The following C9orf153 variants were observed in gnomAD, a reference collection of about 807,000 sequenced individuals.
C9orf153 encodes chromosome 9 open reading frame 153, also known as uncharacterized protein C9orf153.
In C9orf153, 10 loss-of-function variants were observed where a neutral mutation model predicts 9.0. The observed-to-expected ratio is 1.11, with a 90% CI of 0.69 to 1.89. The LOEUF (loss-of-function observed/expected upper bound fraction) is 1.89. Among genes scored for constraint, C9orf153 ranks in the 40% most tolerant of loss-of-function variants. C9orf153 has a pLI of 0.00. For synonymous variants in C9orf153, 35 were observed against 37.3 expected (o/e 0.94, Z 0.23); for missense variants, 108 against 111.0 (o/e 0.97, Z 0.12).
At chr9:86,233,509 C>T (rs1824514455) in intron 1 of C9orf153, among the ~76,000 whole-genome samples, 1 of 152,000 alleles carries the variant, frequency 6.6e-6, no homozygotes. Context: ...CTCCGTCTCC[C>T]GGGTTCAAGC....
At chr9:86,256,332 C>T (rs926055582) in intron 1 of C9orf153, among the ~76,000 whole-genome samples, 3 of 152,314 alleles carry the variant, frequency 2.0e-5, no homozygotes, top group South Asian at 2.1e-4. Flanking sequence ...TGAATACCTT[C>T]GAGCCACTGA....
intron 1 of C9orf153, among the ~76,000 whole-genome samples, chr9:86,237,866 G>A (rs1824632726): frequency 6.6e-6 from 1 of 152,102 alleles, no homozygotes; most frequent in African/African-American, 2.4e-5. Context: ...ATCACCTGAG[G>A]TCAGGAGTTC....
intron 1 of C9orf153, among the ~76,000 whole-genome samples, chr9:86,254,539 ATC>A (rs1448443965): frequency 3.9e-5 from 6 of 152,170 alleles, no homozygotes; most frequent in Non-Finnish European, 5.9e-5. Flanking sequence ...AACCAGAAAA[ATC>A]TGTCAGATTG....
chr9:86,237,978 G>C (rs1351733627), intron 1 of C9orf153, among the ~76,000 whole-genome samples: 1 of 152,120 alleles, frequency 6.6e-6, no homozygotes, highest in Non-Finnish European at 1.5e-5. Flanking sequence ...CCAGCTACTC[G>C]GGAGGCTGAG....
intron 2 of C9orf153, among the ~76,000 whole-genome samples, chr9:86,228,475 C>T (rs780105648): frequency 6.6e-6 from 1 of 152,010 alleles, no homozygotes; most frequent in Admixed American, 6.6e-5. Flanking sequence ...TCCTGTTGTC[C>T]AAAGAGCCCA....
At position 86,220,922 on chromosome 9, in the gene C9orf153, C is replaced by A. The variant is rs1438241949; in HGVS notation, c.*766G>T. 6.6e-6 allele frequency: 1 copy of A among 151,990 alleles called. No individual in the cohort carries two copies. The highest frequency in any genetic ancestry group is 1.5e-5 in the Non-Finnish European group (1 of 68,008). 9.4% of individuals were successfully genotyped at this position (151,990 alleles called of 1,614,324 possible). On this transcript the variant is annotated 3_prime_UTR_variant, in exon 4 of 4. Coordinates refer to ENST00000339137, the MANE Select transcript of C9orf153 (RefSeq NM_001276366.4). ...CAATGCTGTCTTCCAACTTGTTAGC[C>A]CTCTCTCTTCAGATATATCCAGGCT...
At chr9:86,227,050 G>A (rs1824353402) in intron 3 of C9orf153, among the ~76,000 whole-genome samples, 1 of 152,206 alleles carries the variant, frequency 6.6e-6, no homozygotes, top group Admixed American at 6.5e-5. Context: ...ACAGGCATGA[G>A]CCACCATGCC....
chr9:86,253,118 T>C (rs1461222537), intron 1 of C9orf153, among the ~76,000 whole-genome samples: 3 of 152,240 alleles, frequency 2.0e-5, no homozygotes, highest in Non-Finnish European at 4.4e-5. Context: ...ATTTATGGCA[T>C]TACAGTTATT....
chr9:86,229,594 T>A lies in C9orf153; in HGVS notation c.10A>T (p.Thr4Ser), dbSNP rs1222414141. Reference sequence around the variant, plus strand: ...TCCTCAGCTGGACTGGTGTCTCCAGTGAGGAACATCGTGCTGGGATTTTAT... The same window carrying A: ...TCCTCAGCTGGACTGGTGTCTCCAGAGAGGAACATCGTGCTGGGATTTTAT... Reference protein sequence around the residue: MFLTGDTSPAEDNR... With the variant: MFLSGDTSPAEDNR... The change falls in exon 2 of 4, where the codon ACT (threonine) becomes TCT (serine). Residue 4 changes from threonine (T) to serine (S), a missense_variant. Physicochemically the swap from Thr to Ser is moderately conservative, Grantham distance 58. Transcript: ENST00000339137. The A allele has an allele frequency of 6.2e-7, 1 of 1,611,918 alleles. No individual in the cohort carries two copies. Among genetic ancestry groups the A allele is most frequent in the Non-Finnish European group, 8.5e-7 (1 of 1,178,192 alleles).
intron 1 of C9orf153, among the ~76,000 whole-genome samples, chr9:86,242,835 C>G (rs1284118274): frequency 6.6e-6 from 1 of 152,152 alleles, no homozygotes; most frequent in Non-Finnish European, 1.5e-5. Flanking sequence ...CCCACCACCA[C>G]GCCCAGCTAA....
At chr9:86,236,361 C>A (rs1233292683) in intron 1 of C9orf153, among the ~76,000 whole-genome samples, 1 of 151,742 alleles carries the variant, frequency 6.6e-6, no homozygotes, top group Non-Finnish European at 1.5e-5. Context: ...CCAGCCTGGT[C>A]AACATGGTGA....
At chr9:86,227,266 C>A (rs780916694) in intron 3 of C9orf153, 4 of 1,376,028 alleles carry the variant, frequency 2.9e-6, no homozygotes, top group Non-Finnish European at 3.7e-6. Context: ...CCCACCTAAA[C>A]CTCTCGGGTA....
rs1173057310 is a variant in C9orf153, at chr9:86,238,831, TAATTGAAC to T, written c.-26-9210_-26-9203del. Among the ~76,000 whole-genome samples, 12 of 152,098 alleles carry T rather than the reference TAATTGAAC, an allele frequency of 7.9e-5. No homozygotes were observed. The East Asian group carries it at 2.1e-3, about 27-fold the overall frequency. On this transcript the variant is annotated intron_variant, in intron 1 of 3. Transcript: ENST00000339137. ...GAAAAAATATCCAATGATGAGCTCA[TAATTGAAC>T]AAATTTAGAGAAATTACAAAACTGT...
intron 3 of C9orf153, among the ~76,000 whole-genome samples, chr9:86,224,641 C>A (rs1348695478): frequency 6.6e-6 from 1 of 151,622 alleles, no homozygotes; most frequent in African/African-American, 2.4e-5. Flanking sequence ...TATATATGTA[C>A]AATGACAATG....
intron 1 of C9orf153, among the ~76,000 whole-genome samples, chr9:86,240,140 C>T (rs953051067): frequency 6.6e-6 from 1 of 152,094 alleles, no homozygotes; most frequent in African/African-American, 2.4e-5. Context: ...ATTTGATCCA[C>T]CCAACAACTT....
intron 2 of C9orf153, 118 bp downstream of exon 2, chr9:86,229,420 T>C: frequency 4.5e-6 from 3 of 661,106 alleles, no homozygotes; most frequent in Non-Finnish European, 7.9e-6. Flanking sequence ...TAAAGTGACA[T>C]TTTGGAGTTT....
chr9:86,231,759 C>T (rs941166155), intron 1 of C9orf153, among the ~76,000 whole-genome samples: 3 of 152,114 alleles, frequency 2.0e-5, no homozygotes, highest in Non-Finnish European at 4.4e-5. Context: ...ACCTGTTTAT[C>T]TCTAGGCAAT....
chr9:86,235,419 C>T lies in C9orf153; in HGVS notation c.-26-5790G>A, dbSNP rs148804234. On this transcript the variant is annotated intron_variant, in intron 1 of 3. Coordinates refer to ENST00000339137, the MANE Select transcript of C9orf153 (RefSeq NM_001276366.4). ...TGGCTATGGCTGAGGACAGAATGTC[C>T]GAGCTTGAGGATATCTCAACAGAAC... Among the ~76,000 whole-genome samples the T allele has an allele frequency of 3.2e-3, 490 of 152,040 alleles. 2 individuals are homozygous for T. Among genetic ancestry groups the T allele is most frequent in the Non-Finnish European group, 2.8e-3 (191 of 68,012 alleles).
chr9:86,243,962 T>G (rs1258374091), intron 1 of C9orf153, among the ~76,000 whole-genome samples: 1 of 152,182 alleles, frequency 6.6e-6, no homozygotes, highest in East Asian at 1.9e-4. Context: ...ACCTTATATA[T>G]ACACACATTA....
Sources: gnomAD v4.1 joint callset for allele counts (sites outside exome capture counted in the v4.1 genomes callset) on GRCh38, gnomAD v4.1.1 for gene constraint, MANE v1.5 for transcripts, NCBI Gene and HGNC (gene_info 2026-07-23, HGNC 2026-07-21) for gene names.